BBS9: variants seen among roughly 807,000 people sequenced by gnomAD.
BBS9 encodes the protein Bardet-Biedl syndrome 9, also known as protein PTHB1.
In BBS9, 89 loss-of-function variants were observed where a neutral mutation model predicts 117.7. The ratio of observed to expected loss-of-function variants is 0.76; its 90% confidence interval spans 0.64 to 0.90. BBS9 has a LOEUF of 0.90. Ranked by LOEUF, BBS9 falls within the 40% of genes least tolerant of loss-of-function variation. The pLI is 0.00. For synonymous variants in BBS9, 379 were observed against 370.9 expected (o/e 1.02, Z -0.25); for missense variants, 982 against 1,042.2 (o/e 0.94, Z 0.80).
chr7:33,231,801 A>G (rs1478216604), intron 5 of BBS9, among the ~76,000 whole-genome samples: 1 of 152,064 alleles, frequency 6.6e-6, no homozygotes, highest in Non-Finnish European at 1.5e-5. Context: ...TTCTTTCTCT[A>G]CATCAGGGTT....
intron 21 of BBS9, among the ~76,000 whole-genome samples, chr7:33,539,282 T>A (rs1224613820): frequency 6.6e-6 from 1 of 152,228 alleles, no homozygotes; most frequent in Admixed American, 6.5e-5. Flanking sequence ...ACACTGTTGG[T>A]GCTGCATTTA....
intron 5 of BBS9, among the ~76,000 whole-genome samples, chr7:33,225,913 T>A (rs1038425073): frequency 1.3e-5 from 2 of 152,204 alleles, no homozygotes; most frequent in East Asian, 3.9e-4. Context: ...CTTATCCTCA[T>A]TGATTTTACA....
intron 19 of BBS9, among the ~76,000 whole-genome samples, chr7:33,396,446 T>C (rs1291554057): frequency 6.6e-6 from 1 of 152,182 alleles, no homozygotes; most frequent in Non-Finnish European, 1.5e-5. Flanking sequence ...CTATAATAGA[T>C]ACATTTGCAA....
chr7:33,340,189 A>G (rs1816218794), intron 10 of BBS9, among the ~76,000 whole-genome samples: 1 of 152,068 alleles, frequency 6.6e-6, no homozygotes, highest in Non-Finnish European at 1.5e-5. Flanking sequence ...CTTAAAGGCA[A>G]TCCTTATCAA....
chr7:33,623,361 GA>G (rs1395002098), intron 21 of BBS9, among the ~76,000 whole-genome samples: 4 of 152,074 alleles, frequency 2.6e-5, no homozygotes, highest in Non-Finnish European at 5.9e-5. Flanking sequence ...CCAGATAGGA[GA>G]AAAAGGAGAA....
chr7:33,438,946 A>T (rs758779), intron 19 of BBS9, among the ~76,000 whole-genome samples: 95,663 of 152,002 alleles, frequency 0.63, 30,785 homozygotes, highest in African/African-American at 0.76. Flanking sequence ...GTTTATCATA[A>T]TTGGTAGGTA....
intron 20 of BBS9, among the ~76,000 whole-genome samples, chr7:33,533,098 T>C (rs1373858545): frequency 6.6e-6 from 1 of 152,138 alleles, no homozygotes; most frequent in Non-Finnish European, 1.5e-5. Flanking sequence ...AGGGAGCTCC[T>C]AAACTGACCC....
rs1204664319 is a variant in BBS9, at chr7:33,257,289, C to G, written c.496C>G (p.Gln166Glu). 1.2e-6 allele frequency: 2 copies of G among 1,613,790 alleles called. No homozygotes were observed. Among genetic ancestry groups the G allele is most frequent in the Admixed American group, 1.7e-5 (1 of 60,018 alleles). Residue 166 changes from glutamine to glutamate, a missense_variant, in exon 6 of 23, where the codon CAG becomes GAG. Physicochemically the swap from Gln to Glu is conservative, Grantham distance 29. Transcript: ENST00000242067. ...SMDGMLMVFE[Q>E]ESYAFGRFLP... ...GGATGGGATGCTGATGGTATTTGAG[C>G]AGGAGAGCTATGCTTTTGGAAGATT...
intron 19 of BBS9, among the ~76,000 whole-genome samples, chr7:33,484,975 G>T (rs1842911541): frequency 6.6e-6 from 1 of 152,206 alleles, no homozygotes; most frequent in African/African-American, 2.4e-5. Context: ...AAAAAGGAAT[G>T]AGATCATTTC....
At chr7:33,218,359 T>G (rs1363533317) in intron 5 of BBS9, among the ~76,000 whole-genome samples, 4 of 152,270 alleles carry the variant, frequency 2.6e-5, no homozygotes, top group Admixed American at 2.6e-4. Context: ...GTCCATAGTC[T>G]TAGCCTTGGA....
At chr7:33,356,956 A>T (rs1563055494) in intron 15 of BBS9, among the ~76,000 whole-genome samples, 1 of 151,846 alleles carries the variant, frequency 6.6e-6, no homozygotes, top group Non-Finnish European at 1.5e-5. Flanking sequence ...ATTATCTTTC[A>T]TCTTAACCAG....
At position 33,273,834 on chromosome 7, in the gene BBS9, A is replaced by C. The variant is rs757469936; in HGVS notation, c.894A>C (p.Glu298Asp). The change falls in exon 9 of 23, where the codon GAA becomes GAC. Residue 298 changes from glutamate to aspartate, a missense_variant. By Grantham distance (45) the Glu-to-Asp change is conservative (BLOSUM62 2). Transcript: ENST00000242067. The part of the protein sequence containing the change: ...SCFLPYCSVS[E>D]GTINTLIGNH... ...TGTATTTTCAACTTACAGTTTCTGA[A>C]GGAACAATAAATACTTTGATTGGAA... The C allele has an allele frequency of 3.1e-6, 5 of 1,609,360 alleles. No individual in the cohort carries two copies. The Admixed American group carries it at 5.0e-5, about 16-fold the overall frequency.
At chr7:33,195,274 G>A (rs1472722575) in intron 5 of BBS9, among the ~76,000 whole-genome samples, 1 of 152,152 alleles carries the variant, frequency 6.6e-6, no homozygotes, top group Non-Finnish European at 1.5e-5. Flanking sequence ...ATTGGGCAGG[G>A]CTGATGTGTT....
At chr7:33,438,832 G>A (rs1215244592) in intron 19 of BBS9, among the ~76,000 whole-genome samples, 2 of 152,196 alleles carry the variant, frequency 1.3e-5, no homozygotes, top group Non-Finnish European at 2.9e-5. Context: ...ATTTCACAAA[G>A]CTGGCGAATG....
intron 17 of BBS9, among the ~76,000 whole-genome samples, chr7:33,375,979 T>C (rs1374084184): frequency 6.6e-6 from 1 of 152,158 alleles, no homozygotes. Flanking sequence ...AACTAAAAAT[T>C]TAAAGTTACT....
chr7:33,480,907 G>C (rs1842439980), intron 19 of BBS9, among the ~76,000 whole-genome samples: 1 of 152,058 alleles, frequency 6.6e-6, no homozygotes, highest in Admixed American at 6.6e-5. Context: ...AAAAGTGTTT[G>C]GCAGTTCCCC....
At chr7:33,202,763 C>T (rs1786113378) in intron 5 of BBS9, among the ~76,000 whole-genome samples, 2 of 152,296 alleles carry the variant, frequency 1.3e-5, no homozygotes, top group East Asian at 3.9e-4. Context: ...CCAGGCACCT[C>T]CTCCAACATT....
chr7:33,267,819 A>T (rs12537512), intron 7 of BBS9, among the ~76,000 whole-genome samples: 2 of 152,092 alleles, frequency 1.3e-5, no homozygotes, highest in Non-Finnish European at 2.9e-5. Context: ...TTTAATTTGT[A>T]TAATTCCATC....
At chr7:33,415,043 T>C (rs1219866099) in intron 19 of BBS9, among the ~76,000 whole-genome samples, 3 of 152,152 alleles carry the variant, frequency 2.0e-5, no homozygotes, top group East Asian at 1.9e-4. Flanking sequence ...ACCCTTTATC[T>C]TGATGGTTGT....
Sources: gnomAD v4.1 joint callset for allele counts (sites outside exome capture counted in the v4.1 genomes callset) on GRCh38, gnomAD v4.1.1 for gene constraint, MANE v1.5 for transcripts, NCBI Gene and HGNC (gene_info 2026-07-23, HGNC 2026-07-21) for gene names.